SLC16A7: variants seen among roughly 807,000 people sequenced by gnomAD.
The protein encoded by SLC16A7 is monocarboxylate transporter 2.
In SLC16A7, 33 loss-of-function variants were observed where a neutral mutation model predicts 34.9. The ratio of observed to expected loss-of-function variants is 0.94; its 90% CI spans 0.72 to 1.26. The LOEUF is 1.26. Among genes scored for constraint, SLC16A7 ranks in the 50% most tolerant of loss-of-function variants. The pLI, the probability that SLC16A7 is intolerant of heterozygous loss-of-function variation, is 0.00. For synonymous variants in SLC16A7, 201 were observed against 206.6 expected (o/e 0.97, Z 0.23); for missense variants, 573 against 578.1 (o/e 0.99, Z 0.09).
chr12:59,612,373 A>G (rs1879237934), intron 1 of SLC16A7, among the ~76,000 whole-genome samples: 1 of 152,294 alleles, frequency 6.6e-6, no homozygotes, highest in East Asian at 1.9e-4. Context: ...AGCAACTGAC[A>G]CACAGGGTAC....
At chr12:59,641,764 A>G (rs1295336790) in intron 1 of SLC16A7, among the ~76,000 whole-genome samples, 1 of 152,052 alleles carries the variant, frequency 6.6e-6, no homozygotes, top group Admixed American at 6.6e-5. Flanking sequence ...ATGCTCTTCT[A>G]CAATCCAGGG....
chr12:59,751,484 T>C (rs1348500219), intron 3 of SLC16A7, among the ~76,000 whole-genome samples: 4 of 152,208 alleles, frequency 2.6e-5, no homozygotes, highest in African/African-American at 9.6e-5. Flanking sequence ...CTTACGACCA[T>C]GGAGCCTTGC....
rs1187069043 is a variant in SLC16A7, at chr12:59,785,303, AT to A, written c.*5628del. 1.3e-5 allele frequency: 2 copies of A among 152,068 alleles called. No individual in the cohort carries two copies. Among genetic ancestry groups the A allele is most frequent in the African/African-American group, 4.8e-5 (2 of 41,416 alleles). 9.4% of individuals were successfully genotyped at this position (152,068 alleles called of 1,614,324 possible). A position where few individuals can be genotyped will look rare whatever the true frequency, so the allele number is the denominator to read the frequency against. The stretch of plus-strand genomic sequence containing the variant: ...TTTACAGGGTGCTACAATCTGGTTT[AT>A]TTTAGTCTTCTCTCCTCTACTGCTT... On this transcript the variant is annotated 3_prime_UTR_variant, in exon 6 of 6. Coordinates refer to ENST00000547379, the MANE Select transcript of SLC16A7 (RefSeq NM_001270623.2).
intron 5 of SLC16A7, among the ~76,000 whole-genome samples, chr12:59,777,015 A>G (rs1882824360): frequency 1.3e-5 from 2 of 152,162 alleles, no homozygotes. Flanking sequence ...AGAAGTTACC[A>G]TGCATGAGGG....
chr12:59,749,402 GT>G (rs1313742898), intron 3 of SLC16A7, among the ~76,000 whole-genome samples: 8 of 152,138 alleles, frequency 5.3e-5, no homozygotes, highest in Non-Finnish European at 1.0e-4. Context: ...CATACTGGCA[GT>G]TTTTTTGATA....
In SLC16A7 at chr12:59,782,910, A is replaced by G. The variant is rs1298305580; in HGVS notation, c.*3231A>G. 18 of 152,200 alleles carry G rather than the reference A, an allele frequency of 1.2e-4. No homozygotes were observed. Among genetic ancestry groups the G allele is most frequent in the Non-Finnish European group, 2.6e-4 (18 of 68,030 alleles). 9.4% of individuals were successfully genotyped at this position (152,200 alleles called of 1,614,324 possible). A position where few individuals can be genotyped will look rare whatever the true frequency, so the allele number is the denominator to read the frequency against. On this transcript the variant is annotated 3_prime_UTR_variant, in exon 6 of 6. Transcript: ENST00000547379. Reference sequence around the variant, plus strand: ...GTGCCAAGTTTCAACCCTTTAGCTCATGGACTCATTGGCCTCAGCCTAATA... The same window carrying G: ...GTGCCAAGTTTCAACCCTTTAGCTCGTGGACTCATTGGCCTCAGCCTAATA...
At chr12:59,645,663 C>A (rs1880877222) in intron 1 of SLC16A7, among the ~76,000 whole-genome samples, 2 of 152,016 alleles carry the variant, frequency 1.3e-5, no homozygotes, top group Non-Finnish European at 2.9e-5. Context: ...AAATTAGAAC[C>A]ACAGAGAGTG....
At chr12:59,630,729 T>A (rs1234801970) in intron 1 of SLC16A7, among the ~76,000 whole-genome samples, 1 of 151,972 alleles carries the variant, frequency 6.6e-6, no homozygotes, top group Non-Finnish European at 1.5e-5. Context: ...AGAGTTTTTT[T>A]ACACAATAAC....
rs1029593978 is a variant in SLC16A7, at chr12:59,759,381, A to G, written c.218-11838A>G. Among the ~76,000 whole-genome samples the G allele has an allele frequency of 2.0e-5, 3 of 152,086 alleles. No homozygotes were observed. The South Asian group carries it at 6.2e-4, about 32-fold the overall frequency. ...ACTGAATAAGATTTACTTCATATTTATGGGCATTTTTCTTAAAACCTCTTG... is the reference window on the plus strand; with the variant it reads ...ACTGAATAAGATTTACTTCATATTTGTGGGCATTTTTCTTAAAACCTCTTG... On this transcript the variant is annotated intron_variant, in intron 3 of 5. Transcript: ENST00000547379.
intron 1 of SLC16A7, among the ~76,000 whole-genome samples, chr12:59,620,106 C>A (rs17122718): frequency 0.048 from 7,361 of 151,954 alleles, 210 homozygotes; most frequent in Middle Eastern, 0.11. Flanking sequence ...CAACACTCTG[C>A]AGCTGAGTTC....
At chr12:59,717,291 A>G (rs915049912) in intron 3 of SLC16A7, among the ~76,000 whole-genome samples, 1 of 152,204 alleles carries the variant, frequency 6.6e-6, no homozygotes, top group Non-Finnish European at 1.5e-5. Flanking sequence ...CCTTAGTTAC[A>G]GTGTTCTTGA....
At position 59,784,711 on chromosome 12, in the gene SLC16A7, T is replaced by C. The variant is rs1883494155; in HGVS notation, c.*5032T>C. 6.6e-6 allele frequency: 1 copy of C among 152,204 alleles called. No homozygotes were observed. The allele number at this position is 152,204 out of a possible 1,614,324, so 9.4% of individuals were successfully genotyped here. ...CTTAGCTCTATTCAAATAGTGCACT[T>C]GCAAGGCGCTGCATTCTTCTCAAAG... On this transcript the variant is annotated 3_prime_UTR_variant, in exon 6 of 6. Transcript: ENST00000547379.
chr12:59,600,912 C>T (rs1156870404), intron 1 of SLC16A7, among the ~76,000 whole-genome samples: 3 of 152,116 alleles, frequency 2.0e-5, no homozygotes, highest in Non-Finnish European at 4.4e-5. Flanking sequence ...CTCAAAGGAC[C>T]TCATGAAAAT....
chr12:59,691,030 G>A (rs1164459586), intron 2 of SLC16A7, among the ~76,000 whole-genome samples: 1 of 151,830 alleles, frequency 6.6e-6, no homozygotes, highest in African/African-American at 2.4e-5. Context: ...GCATACTAAA[G>A]TTTTGTATTT....
At chr12:59,700,974 T>C (rs1452301537) in intron 2 of SLC16A7, among the ~76,000 whole-genome samples, 1 of 151,714 alleles carries the variant, frequency 6.6e-6, no homozygotes, top group East Asian at 1.9e-4. Context: ...GCAATTTTTT[T>C]CGACGCTCAA....
chr12:59,784,594 A>C lies in SLC16A7; in HGVS notation c.*4915A>C, dbSNP rs185119770. 6 of 152,158 alleles carry C rather than the reference A, an allele frequency of 3.9e-5. No homozygotes were observed. In the East Asian group the frequency reaches 1.2e-3, roughly 29 times the overall value. The allele number at this position is 152,158 out of a possible 1,614,324, so 9.4% of individuals were successfully genotyped here. A position where few individuals can be genotyped will look rare whatever the true frequency, so the allele number is the denominator to read the frequency against. On this transcript the variant is annotated 3_prime_UTR_variant, in exon 6 of 6. Coordinates refer to ENST00000547379, the MANE Select transcript of SLC16A7 (RefSeq NM_001270623.2). ...TCTCTGAACATCTTTGTTGTCATTC[A>C]CCTCTTTGTCTATTTGTTCTGTAGA...
intron 3 of SLC16A7, among the ~76,000 whole-genome samples, chr12:59,753,120 A>G (rs1879799992): frequency 6.6e-6 from 1 of 152,258 alleles, no homozygotes; most frequent in African/African-American, 2.4e-5. Context: ...AAACCTGGAA[A>G]GGAACAACCA....
At chr12:59,702,543 C>T (rs1873011352) in intron 2 of SLC16A7, among the ~76,000 whole-genome samples, 1 of 151,876 alleles carries the variant, frequency 6.6e-6, no homozygotes, top group East Asian at 1.9e-4. Context: ...TGGCTTTGCC[C>T]CAATTACTGT....
intron 3 of SLC16A7, among the ~76,000 whole-genome samples, chr12:59,738,575 A>G (rs965241853): frequency 2.0e-5 from 3 of 151,940 alleles, no homozygotes; most frequent in African/African-American, 7.3e-5. Flanking sequence ...CATTCATCCT[A>G]CCCTTTGCTG....
Sources: gnomAD v4.1 joint callset for allele counts (sites outside exome capture counted in the v4.1 genomes callset) on GRCh38, gnomAD v4.1.1 for gene constraint, MANE v1.5 for transcripts, NCBI Gene and HGNC (gene_info 2026-07-23, HGNC 2026-07-21) for gene names.